SCAF4: variants seen among roughly 807,000 people sequenced by gnomAD.
SCAF4 encodes SR-related and CTD-associated factor 4.
Under a neutral mutation model 129.8 loss-of-function variants are expected in SCAF4, and 25 were observed. The observed-to-expected ratio is 0.19, with a 90% CI of 0.14 to 0.27. SCAF4 has a LOEUF of 0.27. Ranked by LOEUF, SCAF4 falls within the 10% of genes least tolerant of loss-of-function variation. The pLI is 1.00. For missense variants in SCAF4, 1,246 were observed against 1,457.1 expected (o/e 0.86, Z 2.36); for synonymous variants, 551 against 497.7 (o/e 1.11, Z -1.43).
chr21:31,693,666 T>G (rs752480198), intron 11 of SCAF4, among the ~76,000 whole-genome samples, 182 bp from the exon 12 acceptor site: 1 of 152,222 alleles, frequency 6.6e-6, no homozygotes, highest in South Asian at 2.1e-4. Flanking sequence ...ATGCACATTA[T>G]TTAAATAAAA....
chr21:31,702,463 C>A (rs1297547699), intron 4 of SCAF4, 84 bp from the exon 5 acceptor site: 44 of 1,208,040 alleles, frequency 3.6e-5, no homozygotes, highest in Non-Finnish European at 5.1e-5. Context: ...GAGAGGAAAA[C>A]TCCCTAGGCT....
intron 1 of SCAF4, among the ~76,000 whole-genome samples, chr21:31,711,486 T>C (rs569116690): frequency 2.2e-4 from 34 of 152,324 alleles, no homozygotes; most frequent in African/African-American, 7.7e-4. Flanking sequence ...TGGACAGAAA[T>C]AGTAACAACC....
At position 31,696,645 on chromosome 21, in the gene SCAF4, G is replaced by T; in HGVS notation, c.883C>A (p.Pro295Thr). 1 of 1,614,028 alleles carries T rather than the reference G, an allele frequency of 6.2e-7. No individual in the cohort carries two copies. Among genetic ancestry groups the T allele is most frequent in the South Asian group, 1.1e-5 (1 of 91,074 alleles). ...VTTTAPAAAV[P>T]PAPTATVPAA... is the part of the protein sequence containing the mutation. ...GGCACGGTGGCGGTGGGTGCAGGGG[G>T]TACTGCGGCAGCAGGTGCTGTCGTG... is the stretch of plus-strand genomic sequence containing the variant. The change falls in exon 8 of 20, where the codon CCC becomes ACC. Residue 295 changes from proline (P) to threonine (T), a missense_variant. Physicochemically the swap from Pro to Thr is conservative, Grantham distance 38. Coordinates refer to ENST00000286835, the MANE Select transcript of SCAF4 (RefSeq NM_020706.2).
At chr21:31,682,571 C>A (rs1312761879) in intron 19 of SCAF4, among the ~76,000 whole-genome samples, 1 of 152,158 alleles carries the variant, frequency 6.6e-6, no homozygotes, top group Non-Finnish European at 1.5e-5. Context: ...GGCCCCAAAG[C>A]AAGTGTTTTA....
chr21:31,695,812 A>C (rs960177038), intron 9 of SCAF4, among the ~76,000 whole-genome samples: 5 of 152,232 alleles, frequency 3.3e-5, no homozygotes, highest in Non-Finnish European at 4.4e-5. Context: ...ATACAGAAGG[A>C]AGGCCCTTCC....
At position 31,671,741 on chromosome 21, in the gene SCAF4, T is replaced by C; in HGVS notation, c.3102A>G (p.Gly1034=). The C allele has an allele frequency of 1.2e-6, 2 of 1,614,114 alleles. No individual in the cohort carries two copies. Among genetic ancestry groups the C allele is most frequent in the South Asian group, 1.1e-5 (1 of 91,072 alleles). ...GCCTGTCCCGGTCAGGGCTCCTCCT[T>C]CCCCACTCTCTCCTGTCACGGTTAC... The part of the protein sequence containing the change: ...DNSNRDRREW[G]RRSPDRDRHR... Residue 1034 remains glycine, a synonymous_variant, in exon 20 of 20, where the codon GGA becomes GGG. Coordinates refer to ENST00000286835, the MANE Select transcript of SCAF4 (RefSeq NM_020706.2).
At chr21:31,699,846 T>G (rs1372601113) in intron 7 of SCAF4, among the ~76,000 whole-genome samples, 1 of 152,194 alleles carries the variant, frequency 6.6e-6, no homozygotes, top group Non-Finnish European at 1.5e-5. Flanking sequence ...TAAATTTCAA[T>G]GAGAAGCTCT....
chr21:31,717,906 C>CATATATAT (rs1555854133), intron 1 of SCAF4, among the ~76,000 whole-genome samples: 2 of 44,096 alleles, frequency 4.5e-5, no homozygotes, highest in African/African-American at 1.4e-4. Flanking sequence ...CACATATATA[C>CATATATAT]ACACACACAC....
At chr21:31,719,793 C>T (rs189375893) in intron 1 of SCAF4, among the ~76,000 whole-genome samples, 10 of 152,272 alleles carry the variant, frequency 6.6e-5, no homozygotes, top group Non-Finnish European at 8.8e-5. Flanking sequence ...CGTGAGCCAC[C>T]GCGCCTGGCC....
intron 7 of SCAF4, among the ~76,000 whole-genome samples, chr21:31,699,917 T>C (rs1047729489): frequency 2.3e-4 from 35 of 152,144 alleles, no homozygotes; most frequent in African/African-American, 8.2e-4. Context: ...AAGAAACCTA[T>C]AGGCCCGATA....
chr21:31,681,680 A>C (rs1887403955), intron 19 of SCAF4, among the ~76,000 whole-genome samples: 1 of 152,216 alleles, frequency 6.6e-6, no homozygotes, highest in East Asian at 1.9e-4. Context: ...CGCATCAAGT[A>C]ATTTTATATT....
At chr21:31,680,319 C>T (rs896887547) in intron 19 of SCAF4, among the ~76,000 whole-genome samples, 42 of 152,164 alleles carry the variant, frequency 2.8e-4, no homozygotes, top group African/African-American at 9.7e-4. Flanking sequence ...TTCATATCCA[C>T]GCCAAGTATT....
In SCAF4 at chr21:31,723,639, C is replaced by T. The variant is rs944421414; in HGVS notation, c.30+8024G>A. ...GTGTGTGTGTGTGTGTGCGCGCGCG[C>T]GCGCGCGCACATACAGTTCAAGTTT... On this transcript the variant is annotated intron_variant, in intron 1 of 19. Coordinates refer to ENST00000286835, the MANE Select transcript of SCAF4 (RefSeq NM_020706.2). Among the ~76,000 whole-genome samples the T allele has an allele frequency of 3.0e-4, 41 of 138,794 alleles. 1 individual carries two copies. The highest frequency in any genetic ancestry group is 8.4e-4 in the South Asian group (4 of 4,734). The allele number at this position is 138,794 out of a possible 152,430, so 91.1% of individuals were successfully genotyped here. A position where few individuals can be genotyped will look rare whatever the true frequency, so the allele number is the denominator to read the frequency against.
At position 31,701,763 on chromosome 21, in the gene SCAF4, G is replaced by A. The variant is rs752509185; in HGVS notation, c.600+13C>T. On this transcript the variant is annotated intron_variant, in intron 6 of 19. Transcript: ENST00000286835. Reference sequence around the variant, plus strand: ...GTCCTGCAAACAATTTCACTTTTGAGTAGACAGTTTACCTGTTGGCCTTGA... The same window carrying A: ...GTCCTGCAAACAATTTCACTTTTGAATAGACAGTTTACCTGTTGGCCTTGA... 6.3e-7 allele frequency: 1 copy of A among 1,596,006 alleles called. No individual in the cohort carries two copies. Among genetic ancestry groups the A allele is most frequent in the South Asian group, 1.1e-5 (1 of 87,144 alleles).
chr21:31,699,455 C>A (rs1395768986), intron 7 of SCAF4, among the ~76,000 whole-genome samples: 2 of 150,952 alleles, frequency 1.3e-5, no homozygotes, highest in African/African-American at 4.9e-5. Context: ...TCTGTTCAAA[C>A]TGCAGTGTGG....
rs1185594955 is a variant in SCAF4 at position 31,701,129 on chromosome 21, G to C, written c.643C>G (p.Gln215Glu). Residue 215 changes from glutamine (Q) to glutamate (E), a missense_variant, in exon 7 of 20, where the codon CAG (glutamine) becomes GAG (glutamate). Physicochemically the swap from Gln to Glu is conservative, Grantham distance 29 (BLOSUM62 2). Transcript: ENST00000286835. ...LQTFQQPPKP[Q>E]SPALDNAVMA... ...ACAGCATTGTCAAGGGCAGGAGACT[G>C]TGGTTTTGGAGGCTGTTGAAAAGTC... 3 of 1,607,458 alleles carry C rather than the reference G, an allele frequency of 1.9e-6. No homozygotes were observed. The highest frequency in any genetic ancestry group is 2.5e-6 in the Non-Finnish European group (3 of 1,176,672).
At chr21:31,711,966 T>C (rs1314364603) in intron 1 of SCAF4, among the ~76,000 whole-genome samples, 3 of 152,154 alleles carry the variant, frequency 2.0e-5, no homozygotes, top group East Asian at 1.9e-4. Context: ...AGGAAGAAAG[T>C]GTCAGCATGA....
In SCAF4 at chr21:31,721,725, C is replaced by CTGTTT. The variant is rs1335252824; in HGVS notation, c.30+9937_30+9938insAAACA. 3.5e-3 allele frequency among the ~76,000 whole-genome samples: 435 copies of CTGTTT among 125,400 alleles called. 4 individuals are homozygous for CTGTTT. The highest frequency in any genetic ancestry group is 0.012 in the African/African-American group (411 of 34,068). The allele number at this position is 125,400 out of a possible 152,430, so 82.3% of individuals were successfully genotyped here. On this transcript the variant is annotated intron_variant, in intron 1 of 19. Transcript: ENST00000286835. The stretch of plus-strand genomic sequence containing the variant: ...TTATTAACATCAAGCAAGAGCAATT[C>CTGTTT]TTTTTTTTTTTTTTTTTTTGAGATG...
At chr21:31,700,886 T>C (rs2050512757) in intron 7 of SCAF4, 109 bp downstream of exon 7, 2 of 1,234,760 alleles carry the variant, frequency 1.6e-6, no homozygotes, top group Non-Finnish European at 2.4e-6. Context: ...TCTCTCAAAT[T>C]ACAAAACGAC....
Sources: gnomAD v4.1 joint callset for allele counts (sites outside exome capture counted in the v4.1 genomes callset) on GRCh38, gnomAD v4.1.1 for gene constraint, MANE v1.5 for transcripts, NCBI Gene and HGNC (gene_info 2026-07-23, HGNC 2026-07-21) for gene names.